Variants in MECOM observed in about 807,000 individuals in gnomAD.
The protein encoded by MECOM is histone-lysine N-methyltransferase MECOM.
MECOM carries 13 observed loss-of-function variants against 116.3 expected under a neutral mutation model. That is an observed-to-expected ratio of 0.11 (90% CI 0.07 to 0.18). The LOEUF (loss-of-function observed/expected upper bound fraction) is 0.18. Among genes scored for constraint, MECOM ranks in the 10% least tolerant of loss-of-function variants. MECOM has a pLI of 1.00. For missense variants in MECOM, 1,299 were observed against 1,509.0 expected, an observed-to-expected ratio of 0.86 and a Z score of 2.31; for synonymous variants, 528 against 535.2, an observed-to-expected ratio of 0.99 and a Z score of 0.19.
At chr3:169,173,380 T>G (rs1345003015) in intron 2 of MECOM, among the ~76,000 whole-genome samples, 1 of 152,086 alleles carries the variant, frequency 6.6e-6, no homozygotes, top group Non-Finnish European at 1.5e-5. Context: ...TCTCAAAGCT[T>G]TAATCCTCCC....
Position 169,502,456 on chromosome 3 carries a change from A to G in MECOM, c.38-120932T>C, listed in dbSNP as rs1754654670. 2.0e-5 allele frequency among the ~76,000 whole-genome samples: 3 copies of G among 151,976 alleles called. No homozygotes were observed. The South Asian group carries it at 6.2e-4, about 32-fold the overall frequency. On this transcript the variant is annotated intron_variant, in intron 1 of 16. Transcript: ENST00000651503. ...TTTAATTCTGTGTGCTCCCAAACCT[A>G]TTCTAATAAATTTTCTTTTGCCTAA...
intron 2 of MECOM, among the ~76,000 whole-genome samples, chr3:169,355,660 A>G (rs1727151755): frequency 6.6e-6 from 1 of 151,896 alleles, no homozygotes; most frequent in Non-Finnish European, 1.5e-5. Context: ...GTTTCCAAGT[A>G]TATGTTCTTT....
chr3:169,267,091 G>T (rs1017324205), intron 2 of MECOM, among the ~76,000 whole-genome samples: 4 of 152,206 alleles, frequency 2.6e-5, no homozygotes, highest in Non-Finnish European at 5.9e-5. Context: ...CTTAGAACAT[G>T]CACAGCATGG....
intron 1 of MECOM, among the ~76,000 whole-genome samples, chr3:169,607,894 A>T (rs1460501926): frequency 6.6e-6 from 1 of 152,198 alleles, no homozygotes; most frequent in African/African-American, 2.4e-5. Context: ...CTTCCCCTGA[A>T]ATCAAGAGAT....
intron 1 of MECOM, among the ~76,000 whole-genome samples, chr3:169,416,795 T>C (rs1345843038): frequency 6.6e-6 from 1 of 151,810 alleles, no homozygotes; most frequent in Non-Finnish European, 1.5e-5. Context: ...CCCTCAGAAA[T>C]AACGCCGCAT....
rs1358767356 is a variant in MECOM at position 169,382,879 on chromosome 3, A to AAAAAAAAAAAAAAAAAAAAGAAG, written c.38-1356_38-1355insCTTCTTTTTTTTTTTTTTTTTTT. Among the ~76,000 whole-genome samples the AAAAAAAAAAAAAAAAAAAAGAAG allele has an allele frequency of 3.3e-4, 46 of 138,472 alleles. 1 individual carries two copies. Among genetic ancestry groups the AAAAAAAAAAAAAAAAAAAAGAAG allele is most frequent in the African/African-American group, 5.9e-4 (22 of 37,228 alleles). The allele number at this position is 138,472 out of a possible 152,430, so 90.8% of individuals were successfully genotyped here. ...AAAAAAAAAAATAAAAAAAATAAAA[A>AAAAAAAAAAAAAAAAAAAAGAAG]AAGAAGGTAAAATGGGTTGCCTCCA... is the stretch of plus-strand genomic sequence containing the variant. On this transcript the variant is annotated intron_variant, in intron 1 of 16. Transcript: ENST00000651503.
intron 2 of MECOM, among the ~76,000 whole-genome samples, chr3:169,236,351 G>A (rs1047206519): frequency 1.3e-5 from 2 of 152,146 alleles, no homozygotes; most frequent in Non-Finnish European, 2.9e-5. Flanking sequence ...TTTCTCATAA[G>A]TAAACTTTCT....
chr3:169,125,943 G>A (rs1323292838), intron 5 of MECOM, among the ~76,000 whole-genome samples: 3 of 151,994 alleles, frequency 2.0e-5, no homozygotes, highest in Non-Finnish European at 4.4e-5. Context: ...TGACAACATA[G>A]CATTCAATAA....
chr3:169,445,447 CACAG>C (rs1744459610), intron 1 of MECOM, among the ~76,000 whole-genome samples: 1 of 152,220 alleles, frequency 6.6e-6, no homozygotes, highest in South Asian at 2.1e-4. Context: ...CCTGTGAGTA[CACAG>C]AAGTTACGAA....
At chr3:169,647,269 C>A (rs1447918437) in intron 1 of MECOM, among the ~76,000 whole-genome samples, 1 of 152,204 alleles carries the variant, frequency 6.6e-6, no homozygotes, top group Non-Finnish European at 1.5e-5. Context: ...CCAGAGCGCT[C>A]ATCTCTAAGC....
chr3:169,602,843 A>G (rs915943069), intron 1 of MECOM, among the ~76,000 whole-genome samples: 15 of 152,198 alleles, frequency 9.9e-5, no homozygotes, highest in African/African-American at 3.4e-4. Context: ...CAACTTACAA[A>G]AAAACTATGT....
intron 16 of MECOM, among the ~76,000 whole-genome samples, chr3:169,088,477 T>C (rs1718588638): frequency 6.6e-6 from 1 of 152,164 alleles, no homozygotes; most frequent in Admixed American, 6.6e-5. Flanking sequence ...TGCCAGTAAG[T>C]TGGTGTAGAC....
At chr3:169,508,179 C>A (rs1222210258) in intron 1 of MECOM, among the ~76,000 whole-genome samples, 1 of 150,002 alleles carries the variant, frequency 6.7e-6, no homozygotes, top group African/African-American at 2.5e-5. Flanking sequence ...TCCACATTCA[C>A]CCCTCTGTAT....
chr3:169,582,777 G>A (rs1211300070), intron 1 of MECOM, among the ~76,000 whole-genome samples: 1 of 152,208 alleles, frequency 6.6e-6, no homozygotes, highest in Non-Finnish European at 1.5e-5. Context: ...CAGCAGCCAG[G>A]AGGAGGCACA....
At chr3:169,585,830 T>C (rs1765711176) in intron 1 of MECOM, among the ~76,000 whole-genome samples, 2 of 152,214 alleles carry the variant, frequency 1.3e-5, no homozygotes, top group Non-Finnish European at 2.9e-5. Context: ...TGATTGCCAT[T>C]CAATACACTT....
At chr3:169,413,211 G>A (rs1047603397) in intron 1 of MECOM, among the ~76,000 whole-genome samples, 15 of 152,300 alleles carry the variant, frequency 9.8e-5, no homozygotes, top group African/African-American at 2.2e-4. Flanking sequence ...AGGGCGAGCC[G>A]AAGCAGGGTG....
At chr3:169,427,405 C>T (rs923786521) in intron 1 of MECOM, among the ~76,000 whole-genome samples, 2 of 151,944 alleles carry the variant, frequency 1.3e-5, no homozygotes, top group African/African-American at 2.4e-5. Context: ...TACTATAGGC[C>T]GATATTTTCA....
chr3:169,548,982 T>TC (rs989781177), intron 1 of MECOM, among the ~76,000 whole-genome samples: 2 of 150,692 alleles, frequency 1.3e-5, no homozygotes, highest in African/African-American at 4.9e-5. Context: ...TTTTTTTTTT[T>TC]TTTTTTTTTG....
At chr3:169,536,347 CTTTTT>C (rs10634392) in intron 1 of MECOM, among the ~76,000 whole-genome samples, 1 of 116,106 alleles carries the variant, frequency 8.6e-6, no homozygotes, top group African/African-American at 3.5e-5. Flanking sequence ...AATGTCTCTC[CTTTTT>C]TTTTTTTTTT....
Sources: gnomAD v4.1 joint callset for allele counts (sites outside exome capture counted in the v4.1 genomes callset) on GRCh38, gnomAD v4.1.1 for gene constraint, MANE v1.5 for transcripts, NCBI Gene and HGNC (gene_info 2026-07-23, HGNC 2026-07-21) for gene names.